The following ZFPM2 variants were observed in gnomAD, a reference collection of about 807,000 sequenced individuals.
ZFPM2 encodes zinc finger protein, FOG family member 2.
ZFPM2 carries 20 observed loss-of-function variants against 98.6 expected under a neutral mutation model. The observed-to-expected ratio is 0.20, with a 90% CI of 0.14 to 0.29. The LOEUF is 0.29. ZFPM2 is among the 10% of genes least tolerant of loss of function. The pLI, the probability that ZFPM2 is intolerant of heterozygous loss-of-function variation, is 1.00. For synonymous variants in ZFPM2, 518 were observed against 502.7 expected (o/e 1.03, Z -0.41); for missense variants, 1,310 against 1,388.6 (o/e 0.94, Z 0.90).
At chr8:105,507,314 A>G (rs1023478878) in intron 3 of ZFPM2, among the ~76,000 whole-genome samples, 2 of 152,194 alleles carry the variant, frequency 1.3e-5, no homozygotes, top group African/African-American at 4.8e-5. Context: ...TGTGTCTATC[A>G]TTTAACAATG....
At chr8:105,459,280 G>T (rs990420751) in intron 3 of ZFPM2, among the ~76,000 whole-genome samples, 1 of 152,138 alleles carries the variant, frequency 6.6e-6, no homozygotes, top group Non-Finnish European at 1.5e-5. Context: ...GCAAATACAA[G>T]ACAAATAGGA....
chr8:105,386,715 C>T (rs1810998129), intron 1 of ZFPM2, among the ~76,000 whole-genome samples: 1 of 152,098 alleles, frequency 6.6e-6, no homozygotes, highest in Non-Finnish European at 1.5e-5. Context: ...GGGCAGCCTG[C>T]TTTTAGTCTC....
chr8:105,585,358 A>G (rs1187527555), intron 4 of ZFPM2, among the ~76,000 whole-genome samples: 1 of 152,136 alleles, frequency 6.6e-6, no homozygotes, highest in East Asian at 1.9e-4. Context: ...AGCACCCAGC[A>G]CTTTCTGGTT....
chr8:105,512,242 A>G (rs1346548119), intron 3 of ZFPM2, among the ~76,000 whole-genome samples: 7 of 152,316 alleles, frequency 4.6e-5, no homozygotes, highest in African/African-American at 1.7e-4. Flanking sequence ...GAAAAATATT[A>G]TTTATATTGC....
intron 5 of ZFPM2, among the ~76,000 whole-genome samples, chr8:105,750,778 G>A (rs564730404): frequency 1.4e-4 from 22 of 152,116 alleles, no homozygotes; most frequent in African/African-American, 4.8e-4. Context: ...GGGGAAAATT[G>A]GTGAAATCTA....
intron 6 of ZFPM2, among the ~76,000 whole-genome samples, chr8:105,793,082 G>C (rs1337948785): frequency 3.3e-5 from 5 of 151,894 alleles, no homozygotes; most frequent in Non-Finnish European, 2.9e-5. Flanking sequence ...TTAGTCCATT[G>C]ACATTTAAAG....
At chr8:105,654,606 G>A (rs1475042821) in intron 5 of ZFPM2, among the ~76,000 whole-genome samples, 2 of 151,816 alleles carry the variant, frequency 1.3e-5, no homozygotes. Flanking sequence ...AGCACCTTAG[G>A]GATCCTAGCA....
At chr8:105,696,406 T>C (rs1271071235) in intron 5 of ZFPM2, among the ~76,000 whole-genome samples, 1 of 152,210 alleles carries the variant, frequency 6.6e-6, no homozygotes, top group Admixed American at 6.5e-5. Flanking sequence ...AACATGGGTA[T>C]GTAGCATAAA....
At chr8:105,661,633 C>T (rs559065760) in intron 5 of ZFPM2, among the ~76,000 whole-genome samples, 1 of 152,184 alleles carries the variant, frequency 6.6e-6, no homozygotes, top group Admixed American at 6.5e-5. Flanking sequence ...AGTGCCAAGA[C>T]CAGCTTCACT....
chr8:105,498,411 G>C (rs192300471), intron 3 of ZFPM2, among the ~76,000 whole-genome samples: 2 of 152,070 alleles, frequency 1.3e-5, no homozygotes, highest in African/African-American at 4.8e-5. Context: ...CTACAATGTG[G>C]CTAGTGTTGT....
chr8:105,431,688 A>G (rs1812022809), intron 2 of ZFPM2, among the ~76,000 whole-genome samples: 1 of 152,108 alleles, frequency 6.6e-6, no homozygotes, highest in South Asian at 2.1e-4. Flanking sequence ...CCAAGGTGGG[A>G]GGATTGCTTG....
At chr8:105,552,218 A>G (rs899893487) in intron 3 of ZFPM2, among the ~76,000 whole-genome samples, 13 of 151,832 alleles carry the variant, frequency 8.6e-5, no homozygotes, top group African/African-American at 3.1e-4. Context: ...TCTGACCTGT[A>G]CTCTTCATGG....
chr8:105,656,032 C>A (rs576353058), intron 5 of ZFPM2, among the ~76,000 whole-genome samples: 52 of 152,158 alleles, frequency 3.4e-4, no homozygotes, highest in Non-Finnish European at 7.1e-4. Context: ...CTGGCAATTT[C>A]TAGACACTGG....
At chr8:105,400,295 G>A (rs1811312571) in intron 1 of ZFPM2, among the ~76,000 whole-genome samples, 1 of 150,300 alleles carries the variant, frequency 6.7e-6, no homozygotes, top group South Asian at 2.1e-4. Context: ...TAAGTTTTAG[G>A]GTACATGTGC....
intron 5 of ZFPM2, among the ~76,000 whole-genome samples, chr8:105,708,431 GTTTGT>G (rs1811310458): frequency 1.3e-5 from 2 of 150,338 alleles, no homozygotes; most frequent in African/African-American, 4.9e-5. Flanking sequence ...CGTTGCCATT[GTTTGT>G]TTGTTTGTTT....
chr8:105,580,872 A>G (rs1815580640), intron 4 of ZFPM2, among the ~76,000 whole-genome samples: 1 of 149,536 alleles, frequency 6.7e-6, no homozygotes, highest in Non-Finnish European at 1.5e-5. Flanking sequence ...AATCTTTTTG[A>G]TCACATTTAC....
intron 1 of ZFPM2, among the ~76,000 whole-genome samples, chr8:105,384,557 T>TGG (rs1189952974): frequency 2.0e-5 from 3 of 151,946 alleles, no homozygotes; most frequent in Admixed American, 6.6e-5. Context: ...GCAGACTCAT[T>TGG]GCCTTTCCTG....
At chr8:105,436,883 A>G (rs1012930908) in intron 2 of ZFPM2, among the ~76,000 whole-genome samples, 3 of 152,342 alleles carry the variant, frequency 2.0e-5, no homozygotes, top group South Asian at 2.1e-4. Flanking sequence ...TAGATTTAGT[A>G]TAGAATCTGA....
intron 5 of ZFPM2, chr8:105,678,711 C>A (rs1251640899): frequency 1.3e-5 from 2 of 152,200 alleles, no homozygotes; most frequent in Non-Finnish European, 2.9e-5. Flanking sequence ...TTGGTAACCA[C>A]CCTGGGAGTT....
Sources: allele counts gnomAD v4.1 joint callset (sites outside exome capture counted in the v4.1 genomes callset), GRCh38; gene constraint gnomAD v4.1.1; transcripts MANE v1.5; gene names NCBI Gene and HGNC (gene_info 2026-07-23, HGNC 2026-07-21).